Variants in ANO2 observed in about 807,000 individuals in gnomAD.
ANO2 encodes anoctamin-2.
Under a neutral mutation model 124.2 loss-of-function variants are expected in ANO2, and 101 were observed. The observed-to-expected ratio is 0.81, with a 90% CI of 0.69 to 0.96. The LOEUF is 0.96. Ranked by LOEUF, ANO2 falls within the 40% of genes least tolerant of loss-of-function variation. The pLI is 0.00. For synonymous variants in ANO2, 486 were observed against 482.5 expected (o/e 1.01, Z -0.09); for missense variants, 1,293 against 1,274.5 (o/e 1.01, Z -0.22).
chr12:5,802,903 C>T (rs1392383261), intron 9 of ANO2, among the ~76,000 whole-genome samples: 2 of 152,186 alleles, frequency 1.3e-5, no homozygotes, highest in African/African-American at 4.8e-5. Flanking sequence ...GGAACCATCC[C>T]ACCTGATGGA....
intron 3 of ANO2, among the ~76,000 whole-genome samples, chr12:5,907,555 G>T (rs1212085335): frequency 6.6e-6 from 1 of 152,062 alleles, no homozygotes; most frequent in Non-Finnish European, 1.5e-5. Context: ...TTCTCCCTTT[G>T]GGGATGCCTA....
intron 11 of ANO2, among the ~76,000 whole-genome samples, chr12:5,747,911 T>C (rs1951317618): frequency 6.6e-6 from 1 of 152,236 alleles, no homozygotes; most frequent in South Asian, 2.1e-4. Flanking sequence ...ACGACTGCAT[T>C]TTACACTTGA....
chr12:5,590,250 T>A (rs1943328210), intron 20 of ANO2, among the ~76,000 whole-genome samples: 1 of 152,282 alleles, frequency 6.6e-6, no homozygotes, highest in East Asian at 1.9e-4. Flanking sequence ...AGTGTTACTA[T>A]ATTTTATGTG....
intron 10 of ANO2, among the ~76,000 whole-genome samples, chr12:5,759,682 A>G (rs945112859): frequency 3.3e-5 from 5 of 150,562 alleles, no homozygotes; most frequent in Non-Finnish European, 5.9e-5. Flanking sequence ...TCCCAAAACT[A>G]TTCTCCCACT....
chr12:5,743,228 C>A (rs184762568), intron 12 of ANO2, among the ~76,000 whole-genome samples: 1 of 151,782 alleles, frequency 6.6e-6, no homozygotes, highest in Non-Finnish European at 1.5e-5. Flanking sequence ...ATCCTCTGGG[C>A]GCCATGGAGT....
At chr12:5,926,556 TCTTCCCGCTGCCTGGACCATG>T (rs1175992344) in intron 1 of ANO2, among the ~76,000 whole-genome samples, 1 of 151,678 alleles carries the variant, frequency 6.6e-6, no homozygotes, top group Non-Finnish European at 1.5e-5. Flanking sequence ...CTACATGCAT[TCTTCCCGCTGCCTGGACCATG>T]CTTCCCTACA....
chr12:5,668,395 G>GTTTTTTTTTTTTTT (rs539092061), intron 14 of ANO2, among the ~76,000 whole-genome samples: 1 of 149,108 alleles, frequency 6.7e-6, no homozygotes, highest in African/African-American at 2.5e-5. Context: ...ACTTTTTAAT[G>GTTTTTTTTTTTTTT]TTTTTTTTTT....
intron 16 of ANO2, among the ~76,000 whole-genome samples, chr12:5,619,113 T>C (rs990131803): frequency 2.0e-5 from 3 of 152,162 alleles, no homozygotes; most frequent in African/African-American, 7.2e-5. Flanking sequence ...GATCAAAGCA[T>C]GTAGGCCTCC....
intron 2 of ANO2, 115 bp from the exon 3 acceptor site, chr12:5,921,481 G>T: frequency 9.9e-7 from 1 of 1,005,814 alleles, no homozygotes; most frequent in Non-Finnish European, 1.4e-6. Flanking sequence ...AAGCCTCTCA[G>T]GCCCAAAGGC....
intron 10 of ANO2, among the ~76,000 whole-genome samples, chr12:5,755,713 T>G (rs747094777): frequency 6.6e-6 from 1 of 152,194 alleles, no homozygotes; most frequent in Non-Finnish European, 1.5e-5. Context: ...GCTTCATCCA[T>G]GTCCCTACAA....
intron 14 of ANO2, among the ~76,000 whole-genome samples, chr12:5,683,215 T>G (rs775776739): frequency 6.6e-6 from 1 of 152,096 alleles, no homozygotes; most frequent in Non-Finnish European, 1.5e-5. Flanking sequence ...AACTCCACAA[T>G]TAAAGGTAGA....
chr12:5,835,142 A>C (rs1954277518), intron 4 of ANO2, among the ~76,000 whole-genome samples: 1 of 152,248 alleles, frequency 6.6e-6, no homozygotes, highest in Non-Finnish European at 1.5e-5. Flanking sequence ...AATAAGGCTT[A>C]AACAGATACA....
chr12:5,922,464 G>A (rs1482895374), intron 2 of ANO2, among the ~76,000 whole-genome samples, 156 bp downstream of exon 2: 1 of 152,220 alleles, frequency 6.6e-6, no homozygotes, highest in Non-Finnish European at 1.5e-5. Flanking sequence ...TGCCTGACTT[G>A]GAGACAGAGA....
intron 10 of ANO2, among the ~76,000 whole-genome samples, chr12:5,772,425 T>G (rs1952110349): frequency 6.6e-6 from 1 of 152,242 alleles, no homozygotes; most frequent in Non-Finnish European, 1.5e-5. Context: ...GCTTATCTTT[T>G]GGGAATAAAA....
intron 18 of ANO2, 44 bp downstream of exon 18, chr12:5,612,857 C>G: frequency 6.2e-7 from 1 of 1,612,178 alleles, no homozygotes; most frequent in Non-Finnish European, 8.5e-7. Flanking sequence ...AAGAATGGGG[C>G]TGGGTTGGGG....
intron 14 of ANO2, among the ~76,000 whole-genome samples, chr12:5,657,052 C>T (rs1472810317): frequency 6.6e-6 from 1 of 152,126 alleles, no homozygotes; most frequent in Non-Finnish European, 1.5e-5. Flanking sequence ...GTTGGCAGGG[C>T]CAGGACAGGG....
intron 3 of ANO2, among the ~76,000 whole-genome samples, chr12:5,910,351 G>A (rs1241437128): frequency 1.3e-5 from 2 of 152,070 alleles, no homozygotes; most frequent in Non-Finnish European, 2.9e-5. Flanking sequence ...GCTAATTTTT[G>A]TATTTTTAGT....
At chr12:5,894,324 T>G (rs149238631) in intron 3 of ANO2, among the ~76,000 whole-genome samples, 3,544 of 152,294 alleles carry the variant, frequency 0.023, 123 homozygotes, top group African/African-American at 0.08. Context: ...TCACCCACTT[T>G]TTGATGGGGT....
At chr12:5,874,226 C>T (rs1177579123) in intron 3 of ANO2, among the ~76,000 whole-genome samples, 1 of 152,170 alleles carries the variant, frequency 6.6e-6, no homozygotes, top group South Asian at 2.1e-4. Context: ...GCTCTTTCTC[C>T]TAAAGAGCTA....
Sources: allele counts gnomAD v4.1 joint callset (sites outside exome capture counted in the v4.1 genomes callset), GRCh38; gene constraint gnomAD v4.1.1; transcripts MANE v1.5; gene names NCBI Gene and HGNC (gene_info 2026-07-23, HGNC 2026-07-21).